Variants in MEI4 observed in about 807,000 individuals in gnomAD.
MEI4 encodes meiosis-specific protein MEI4.
A neutral mutation model predicts 31.4 loss-of-function variants in MEI4; 27 were observed. The observed-to-expected ratio is 0.86, with a 90% confidence interval of 0.63 to 1.19. The LOEUF is 1.19. Among genes scored for constraint, MEI4 ranks in the 50% most tolerant of loss-of-function variants. The pLI, the probability that MEI4 is intolerant of heterozygous loss-of-function variation, is 0.00. For synonymous variants in MEI4, 122 were observed against 145.4 expected (o/e 0.84, Z 1.16); for missense variants, 329 against 398.9 (o/e 0.82, Z 1.49).
intron 2 of MEI4, among the ~76,000 whole-genome samples, chr6:77,741,693 T>G (rs1767408004): frequency 6.6e-6 from 1 of 151,698 alleles, no homozygotes; most frequent in Non-Finnish European, 1.5e-5. Flanking sequence ...TATGTACACA[T>G]GTGCCATGCT....
intron 4 of MEI4, among the ~76,000 whole-genome samples, chr6:77,853,125 G>A (rs1211201365): frequency 6.6e-6 from 1 of 152,122 alleles, no homozygotes; most frequent in Non-Finnish European, 1.5e-5. Flanking sequence ...TTCAACCCGC[G>A]AGGTGGAGGT....
chr6:77,802,216 C>T (rs146047514), intron 3 of MEI4, among the ~76,000 whole-genome samples: 23 of 152,130 alleles, frequency 1.5e-4, no homozygotes, highest in African/African-American at 5.5e-4. Context: ...TCCCTTTACC[C>T]TTATGTAATG....
rs529772937 is a variant in MEI4 at position 77,715,982 on chromosome 6, G to A, written c.232+25079G>A. On this transcript the variant is annotated intron_variant, in intron 2 of 4. Coordinates refer to ENST00000684080, the MANE Select transcript of MEI4 (RefSeq NM_001322247.2). The stretch of plus-strand genomic sequence containing the variant: ...AAAGAGTAATTTATGTGATTCCACA[G>A]TGACATAATCTTTTCACCTCTGAAC... Among the ~76,000 whole-genome samples the A allele has an allele frequency of 2.6e-5, 4 of 152,200 alleles. No individual in the cohort carries two copies. The South Asian group carries it at 8.3e-4, about 32-fold the overall frequency.
intron 4 of MEI4, among the ~76,000 whole-genome samples, chr6:77,902,821 G>A (rs781177389): frequency 3.3e-5 from 5 of 152,128 alleles, no homozygotes; most frequent in Admixed American, 2.6e-4. Flanking sequence ...AAGTTGTCCC[G>A]CCTCATCATG....
intron 2 of MEI4, among the ~76,000 whole-genome samples, chr6:77,727,627 T>G (rs1205514984): frequency 6.6e-6 from 1 of 152,260 alleles, no homozygotes; most frequent in Non-Finnish European, 1.5e-5. Context: ...TATCTGTGAT[T>G]GTCAGTAAGG....
intron 4 of MEI4, among the ~76,000 whole-genome samples, chr6:77,850,838 A>G (rs1770598948): frequency 1.3e-5 from 2 of 152,180 alleles, no homozygotes; most frequent in Non-Finnish European, 2.9e-5. Flanking sequence ...CTACCATCAG[A>G]GTGAACAGGC....
intron 2 of MEI4, among the ~76,000 whole-genome samples, chr6:77,699,050 T>C (rs996099542): frequency 1.3e-5 from 2 of 152,120 alleles, no homozygotes; most frequent in Non-Finnish European, 2.9e-5. Context: ...TTTCTTCCAG[T>C]TGATCGCATC....
intron 3 of MEI4, among the ~76,000 whole-genome samples, chr6:77,785,296 A>G (rs1768706706): frequency 6.6e-6 from 1 of 152,148 alleles, no homozygotes; most frequent in Non-Finnish European, 1.5e-5. Flanking sequence ...ATGATCCATA[A>G]AGGCCACATT....
intron 4 of MEI4, among the ~76,000 whole-genome samples, chr6:77,873,404 T>A (rs564995621): frequency 2.0e-4 from 31 of 152,368 alleles, no homozygotes; most frequent in African/African-American, 7.5e-4. Flanking sequence ...AATGTCTTCT[T>A]TTGAGAAGTG....
chr6:77,760,560 T>G (rs1041286074), intron 2 of MEI4, among the ~76,000 whole-genome samples: 1 of 152,172 alleles, frequency 6.6e-6, no homozygotes, highest in Non-Finnish European at 1.5e-5. Context: ...CAAATGCTAT[T>G]ATTTTTCCTG....
chr6:77,921,194 C>A (rs1052421573), intron 4 of MEI4, among the ~76,000 whole-genome samples: 2 of 151,830 alleles, frequency 1.3e-5, no homozygotes, highest in South Asian at 4.1e-4. Context: ...CCTATAACTT[C>A]TTGATAACTT....
intron 2 of MEI4, among the ~76,000 whole-genome samples, chr6:77,730,993 T>A (rs1424706503): frequency 6.6e-6 from 1 of 151,848 alleles, no homozygotes; most frequent in Non-Finnish European, 1.5e-5. Flanking sequence ...TTCCATGGTG[T>A]ATATGTGCCA....
At chr6:77,908,098 T>G (rs1310435241) in intron 4 of MEI4, among the ~76,000 whole-genome samples, 22 of 152,202 alleles carry the variant, frequency 1.4e-4, no homozygotes, top group Non-Finnish European at 2.9e-5. Flanking sequence ...TTCTGTAAGT[T>G]TCCTATTCAC....
chr6:77,750,207 A>G (rs181893865), intron 2 of MEI4, among the ~76,000 whole-genome samples: 1 of 152,236 alleles, frequency 6.6e-6, no homozygotes. Flanking sequence ...AAGAAACTGC[A>G]TCAACTAACG....
intron 2 of MEI4, among the ~76,000 whole-genome samples, chr6:77,733,906 A>C (rs9448185): frequency 6.6e-6 from 1 of 152,048 alleles, no homozygotes; most frequent in African/African-American, 2.4e-5. Context: ...ATTCAGGAGC[A>C]TGTTGTTCAG....
chr6:77,871,354 A>C (rs1771185994), intron 4 of MEI4, among the ~76,000 whole-genome samples: 1 of 152,230 alleles, frequency 6.6e-6, no homozygotes, highest in African/African-American at 2.4e-5. Flanking sequence ...TCATGCTTTA[A>C]ATTTATTTTA....
At chr6:77,864,159 G>T (rs1770952136) in intron 4 of MEI4, among the ~76,000 whole-genome samples, 1 of 152,126 alleles carries the variant, frequency 6.6e-6, no homozygotes, top group African/African-American at 2.4e-5. Flanking sequence ...AGGCTAGGAA[G>T]TAACTGCATC....
intron 4 of MEI4, among the ~76,000 whole-genome samples, chr6:77,835,695 G>T (rs574977524): frequency 1.3e-5 from 2 of 151,954 alleles, no homozygotes; most frequent in Non-Finnish European, 2.9e-5. Context: ...CAAATTCACT[G>T]TACTAAGGAG....
chr6:77,687,806 T>C (rs113990140), intron 1 of MEI4, among the ~76,000 whole-genome samples: 178 of 152,226 alleles, frequency 1.2e-3, no homozygotes, highest in African/African-American at 2.9e-3. Flanking sequence ...GTGTGCCACC[T>C]TCTTAGCATC....
Sources: allele counts gnomAD v4.1 joint callset (sites outside exome capture counted in the v4.1 genomes callset), GRCh38; gene constraint gnomAD v4.1.1; transcripts MANE v1.5; gene names NCBI Gene and HGNC (gene_info 2026-07-23, HGNC 2026-07-21).